PRDM16: variants seen among roughly 807,000 people sequenced by gnomAD.
PRDM16 encodes PR/SET domain 16.
Under a neutral mutation model 110.6 loss-of-function variants are expected in PRDM16, and 23 were observed. The observed-to-expected ratio is 0.21, with a 90% CI of 0.15 to 0.29. The LOEUF (loss-of-function observed/expected upper bound fraction) is 0.29. Among genes scored for constraint, PRDM16 ranks in the 10% least tolerant of loss-of-function variants. The pLI is 1.00. For missense variants in PRDM16, 1,615 were observed against 1,794.3 expected (o/e 0.90, Z 1.81); for synonymous variants, 799 against 781.8 (o/e 1.02, Z -0.37).
At chr1:3,334,934 T>G (rs1433348716) in intron 3 of PRDM16, among the ~76,000 whole-genome samples, 1 of 152,128 alleles carries the variant, frequency 6.6e-6, no homozygotes, top group Non-Finnish European at 1.5e-5. Flanking sequence ...CGGAGGGCCA[T>G]CCACGCGTCC....
intron 3 of PRDM16, among the ~76,000 whole-genome samples, chr1:3,328,881 AC>A (rs1453713279): frequency 6.6e-6 from 1 of 151,798 alleles, no homozygotes; most frequent in African/African-American, 2.4e-5. Flanking sequence ...CACGCCCTGG[AC>A]CCCCCGTTCA....
chr1:3,347,950 C>T (rs572519026), intron 3 of PRDM16, among the ~76,000 whole-genome samples: 2 of 152,096 alleles, frequency 1.3e-5, no homozygotes, highest in African/African-American at 2.4e-5. Flanking sequence ...GAGCTGGTGC[C>T]GGGCACTGAG....
intron 3 of PRDM16, among the ~76,000 whole-genome samples, chr1:3,327,179 C>A (rs1641931743): frequency 1.3e-5 from 2 of 152,262 alleles, no homozygotes; most frequent in African/African-American, 4.8e-5. Flanking sequence ...CTTGGCAGGG[C>A]ACCCCCTCAA....
intron 2 of PRDM16, among the ~76,000 whole-genome samples, chr1:3,203,600 G>A (rs1363143629): frequency 2.0e-5 from 3 of 152,184 alleles, no homozygotes; most frequent in Middle Eastern, 3.2e-3. Context: ...CCAGGGTGTG[G>A]TGCAGATCTT....
At chr1:3,181,018 ATG>A (rs1491325198) in intron 1 of PRDM16, among the ~76,000 whole-genome samples, 8 of 136,842 alleles carry the variant, frequency 5.8e-5, no homozygotes, top group African/African-American at 1.3e-4. Context: ...GGTCTTACAA[ATG>A]CGGTCTTACA....
rs892080844 is a variant in PRDM16, at chr1:3,437,242, C to T, written c.*3431C>T. Reference sequence around the variant, plus strand: ...GCGTGCAGCTGTCCCATCCAGACCCCGACTGGCCAAGACCTCCACGTCCCC... The same window carrying T: ...GCGTGCAGCTGTCCCATCCAGACCCTGACTGGCCAAGACCTCCACGTCCCC... On this transcript the variant is annotated 3_prime_UTR_variant, in exon 17 of 17. Transcript: ENST00000270722. The T allele has an allele frequency of 9.5e-5, 22 of 232,698 alleles. No individual in the cohort carries two copies. Among genetic ancestry groups the T allele is most frequent in the Non-Finnish European group, 1.8e-4 (21 of 117,792 alleles). 14.4% of individuals were successfully genotyped at this position (232,698 alleles called of 1,614,324 possible). A position where few individuals can be genotyped will look rare whatever the true frequency, so the allele number is the denominator to read the frequency against.
chr1:3,277,688 C>T (rs1289353479), intron 3 of PRDM16, among the ~76,000 whole-genome samples: 1 of 152,218 alleles, frequency 6.6e-6, no homozygotes, highest in Non-Finnish European at 1.5e-5. Flanking sequence ...GCTCCCGGAG[C>T]AGGGGAAGTA....
At chr1:3,191,146 A>T (rs532095244) in intron 2 of PRDM16, among the ~76,000 whole-genome samples, 1 of 152,380 alleles carries the variant, frequency 6.6e-6, no homozygotes, top group African/African-American at 2.4e-5. Context: ...GCTGATGAGT[A>T]AGTGCCTCTG....
intron 1 of PRDM16, among the ~76,000 whole-genome samples, chr1:3,128,203 C>T (rs1643251863): frequency 6.6e-6 from 1 of 152,136 alleles, no homozygotes. Context: ...GATGACAGAC[C>T]CGTGATCTCT....
intron 2 of PRDM16, among the ~76,000 whole-genome samples, chr1:3,233,329 C>T (rs1175333082): frequency 6.6e-6 from 1 of 152,198 alleles, no homozygotes; most frequent in African/African-American, 2.4e-5. Flanking sequence ...GCACATCTTT[C>T]AGATGTGAGT....
intron 1 of PRDM16, among the ~76,000 whole-genome samples, chr1:3,155,422 C>T (rs1024412258): frequency 6.6e-6 from 1 of 152,236 alleles, no homozygotes; most frequent in Non-Finnish European, 1.5e-5. Context: ...CTGTTATCTG[C>T]GTGGTTGGTG....
intron 2 of PRDM16, among the ~76,000 whole-genome samples, chr1:3,225,174 AGAGG>A (rs1557541244): frequency 2.6e-5 from 4 of 152,198 alleles, no homozygotes; most frequent in Admixed American, 6.5e-5. Flanking sequence ...AAAAAGGCAT[AGAGG>A]GCATTTTGGA....
At chr1:3,418,896 G>T (rs1638349626) in intron 12 of PRDM16, 152 bp downstream of exon 12, 1 of 656,636 alleles carries the variant, frequency 1.5e-6, no homozygotes, top group Non-Finnish European at 2.8e-6. Context: ...GGTCACTCTG[G>T]CCCTCCCCTC....
intron 1 of PRDM16, among the ~76,000 whole-genome samples, chr1:3,110,901 A>G (rs1478868230): frequency 2.0e-5 from 3 of 152,116 alleles, no homozygotes; most frequent in African/African-American, 7.2e-5. Flanking sequence ...TTGCCGCCTG[A>G]TGCCCCGGGG....
chr1:3,200,494 C>T (rs1382567769), intron 2 of PRDM16, among the ~76,000 whole-genome samples: 1 of 152,212 alleles, frequency 6.6e-6, no homozygotes, highest in Non-Finnish European at 1.5e-5. Context: ...AGGCGCCCGC[C>T]ACCACGCCTG....
rs1638746234 is a variant in PRDM16 at position 3,430,904 on chromosome 1, A to G, written c.3317A>G (p.Gln1106Arg). ...ADMQIVDGSAQCPGLASEKQE... is the reference protein window; with the variant it reads ...ADMQIVDGSARCPGLASEKQE... The stretch of plus-strand genomic sequence containing the variant: ...ATGCAGATCGTGGACGGCAGTGCCC[A>G]GTGTCCAGGCCTAGCCAGTGAGAAG... The change falls in exon 15 of 17, where the codon CAG (glutamine) becomes CGG (arginine). Residue 1106 changes from glutamine (Q) to arginine (R), a missense_variant. Gln to Arg is a conservative substitution (Grantham distance 43). Around this residue, in one of 5 missense-constraint regions of PRDM16, gnomAD observed 327 missense variants for 359.3 expected, o/e 0.91. Transcript: ENST00000270722. 1 of 1,614,122 alleles carries G rather than the reference A, an allele frequency of 6.2e-7. No homozygotes were observed. The highest frequency in any genetic ancestry group is 8.5e-7 in the Non-Finnish European group (1 of 1,180,014).
chr1:3,100,930 T>A (rs1252680977), intron 1 of PRDM16, among the ~76,000 whole-genome samples: 1 of 151,968 alleles, frequency 6.6e-6, no homozygotes, highest in African/African-American at 2.4e-5. Context: ...CGGGTGGCAC[T>A]TGGTCATGTG....
chr1:3,231,562 C>T (rs1199648950), intron 2 of PRDM16, among the ~76,000 whole-genome samples: 2 of 152,200 alleles, frequency 1.3e-5, no homozygotes, highest in African/African-American at 4.8e-5. Flanking sequence ...GGCTTGGGGC[C>T]CAGGATTATT....
At chr1:3,191,953 G>A (rs6685614) in intron 2 of PRDM16, among the ~76,000 whole-genome samples, 91,351 of 152,106 alleles carry the variant, frequency 0.6, 30,135 homozygotes, top group Non-Finnish European at 0.74. Context: ...GCTGAGACCC[G>A]GTTCAGTCCG....
Sources: gnomAD v4.1 joint callset for allele counts (sites outside exome capture counted in the v4.1 genomes callset) on GRCh38, gnomAD v4.1.1 for gene constraint, gnomAD v4.1.1 regional missense constraint, MANE v1.5 for transcripts, NCBI Gene and HGNC (gene_info 2026-07-23, HGNC 2026-07-21) for gene names.